The following SNTG1 variants were observed in gnomAD, a reference collection of about 807,000 sequenced individuals.
The protein encoded by SNTG1 is syntrophin gamma 1.
A neutral mutation model predicts 74.7 loss-of-function variants in SNTG1; 39 were observed. The observed-to-expected ratio is 0.52, with a 90% CI of 0.40 to 0.68. The LOEUF (loss-of-function observed/expected upper bound fraction) is 0.68, where lower values mean the gene tolerates loss of function less well. Among genes scored for constraint, SNTG1 ranks in the 30% least tolerant of loss-of-function variants. The pLI is 0.00. For missense variants in SNTG1, 685 were observed against 609.5 expected (o/e 1.12, Z -1.30); for synonymous variants, 254 against 217.1 (o/e 1.17, Z -1.49).
At chr8:50,714,724 G>A (rs980115509) in intron 17 of SNTG1, among the ~76,000 whole-genome samples, 6 of 152,080 alleles carry the variant, frequency 3.9e-5, no homozygotes, top group African/African-American at 1.2e-4. Flanking sequence ...CAGGAGGTGG[G>A]TGTGGAGAGG....
chr8:50,175,620 C>G lies in SNTG1; in HGVS notation c.-28+2985C>G, dbSNP rs150929200. On this transcript the variant is annotated intron_variant, in intron 2 of 18. Coordinates refer to ENST00000642720, the MANE Select transcript of SNTG1 (RefSeq NM_018967.5). ...TGCATGCTTTCACACTACCATTGTG[C>G]AAAGGTTTCAAAGTATCATGCACAG... is the stretch of plus-strand genomic sequence containing the variant. Among the ~76,000 whole-genome samples the G allele has an allele frequency of 4.9e-3, 752 of 152,216 alleles. 5 individuals carry two copies. The highest frequency in any genetic ancestry group is 7.0e-3 in the Non-Finnish European group (473 of 68,014).
At position 50,450,573 on chromosome 8, in the gene SNTG1, CT is replaced by C. The variant is rs1563404070; in HGVS notation, c.300del (p.Phe100LeufsTer9). ...KEQRAELSGL[L>X]FIGDAILQIN... The stretch of plus-strand genomic sequence containing the variant: ...ATTCACAGCGGAACTTTCAGGACTA[CT>C]TTTTATTGGAGATGCAATTCTACAG... On this transcript the variant is annotated frameshift_variant, in exon 7 of 19. Coordinates refer to ENST00000642720, the MANE Select transcript of SNTG1 (RefSeq NM_018967.5). LOFTEE classifies it high-confidence loss of function. 5.6e-6 allele frequency: 9 copies of C among 1,613,412 alleles called. No homozygotes were observed. Among genetic ancestry groups the C allele is most frequent in the Non-Finnish European group, 7.6e-6 (9 of 1,179,740 alleles).
At chr8:50,281,071 T>C (rs953049046) in intron 2 of SNTG1, among the ~76,000 whole-genome samples, 7 of 152,026 alleles carry the variant, frequency 4.6e-5, no homozygotes, top group African/African-American at 1.4e-4. Context: ...GAATTTTAAT[T>C]TCCCCATTAG....
Position 50,577,455 on chromosome 8 carries a change from T to G in SNTG1, c.811-13424T>G, listed in dbSNP as rs559705821. On this transcript the variant is annotated intron_variant, in intron 12 of 18. Transcript: ENST00000642720. ...AAATAATATTGGTCCATAGTTTTTT[T>G]TTTTTGTTTTTTTTTTTCTTCTGGT... is the stretch of plus-strand genomic sequence containing the variant. 3.3e-5 allele frequency among the ~76,000 whole-genome samples: 5 copies of G among 151,654 alleles called. 1 individual carries two copies. The highest frequency in any genetic ancestry group is 4.2e-4 in the South Asian group (2 of 4,812).
chr8:50,497,964 A>C (rs1238327751), intron 8 of SNTG1, among the ~76,000 whole-genome samples: 2 of 151,860 alleles, frequency 1.3e-5, no homozygotes, highest in Non-Finnish European at 2.9e-5. Context: ...TGTTATGTGG[A>C]GTCACATTCC....
chr8:50,026,211 C>G (rs1276590769), intron 1 of SNTG1, among the ~76,000 whole-genome samples: 1 of 152,082 alleles, frequency 6.6e-6, no homozygotes, highest in Non-Finnish European at 1.5e-5. Context: ...CCATGTATAC[C>G]TTGCCAATAA....
chr8:50,597,472 T>C (rs2094738964), intron 13 of SNTG1, among the ~76,000 whole-genome samples: 2 of 151,240 alleles, frequency 1.3e-5, no homozygotes, highest in African/African-American at 4.8e-5. Context: ...TATGAACATT[T>C]AAGTTGATAC....
intron 12 of SNTG1, among the ~76,000 whole-genome samples, chr8:50,559,980 C>G (rs2094477724): frequency 6.6e-6 from 1 of 152,120 alleles, no homozygotes; most frequent in South Asian, 2.1e-4. Context: ...ATCCATCTGA[C>G]AAAGGCCTAA....
At chr8:50,295,138 A>G (rs1466453338) in intron 2 of SNTG1, among the ~76,000 whole-genome samples, 1 of 152,234 alleles carries the variant, frequency 6.6e-6, no homozygotes, top group Non-Finnish European at 1.5e-5. Context: ...AATTTAGGGA[A>G]GAAACAAAGA....
At chr8:50,704,487 G>T (rs929752775) in intron 15 of SNTG1, 113 bp from the exon 16 acceptor site, 9 of 1,285,908 alleles carry the variant, frequency 7.0e-6, no homozygotes, top group Non-Finnish European at 1.0e-5. Context: ...TGGTGAATTC[G>T]CAGAGTGTTG....
At chr8:50,476,128 GT>G (rs778610442) in intron 8 of SNTG1, among the ~76,000 whole-genome samples, 23 of 152,180 alleles carry the variant, frequency 1.5e-4, no homozygotes, top group South Asian at 8.3e-4. Context: ...TCTCAGTGCT[GT>G]TTTCAAGTCG....
intron 1 of SNTG1, among the ~76,000 whole-genome samples, chr8:50,144,192 C>T (rs752469323): frequency 5.1e-4 from 78 of 152,260 alleles, no homozygotes; most frequent in Non-Finnish European, 9.3e-4. Context: ...ATATGCTATA[C>T]GAAACCATCT....
chr8:50,617,714 G>A (rs908676665), intron 13 of SNTG1, among the ~76,000 whole-genome samples: 1 of 152,174 alleles, frequency 6.6e-6, no homozygotes, highest in Non-Finnish European at 1.5e-5. Flanking sequence ...GGTCGTGATC[G>A]ATTGAGCAAG....
intron 2 of SNTG1, among the ~76,000 whole-genome samples, chr8:50,372,505 T>G (rs2092292474): frequency 6.6e-6 from 1 of 152,144 alleles, no homozygotes; most frequent in South Asian, 2.1e-4. Flanking sequence ...CTTTGCATCT[T>G]TCTTTATTTA....
chr8:50,083,245 T>C (rs1214047875), intron 1 of SNTG1, among the ~76,000 whole-genome samples: 1 of 152,222 alleles, frequency 6.6e-6, no homozygotes, highest in African/African-American at 2.4e-5. Flanking sequence ...CTAAAACTGC[T>C]GATTTGACCG....
At chr8:50,580,088 C>A (rs1163227776) in intron 12 of SNTG1, among the ~76,000 whole-genome samples, 42 of 152,236 alleles carry the variant, frequency 2.8e-4, no homozygotes. Flanking sequence ...CCATGGGAGC[C>A]CACCTCTTGC....
intron 1 of SNTG1, among the ~76,000 whole-genome samples, chr8:49,915,671 A>G (rs371197613): frequency 6.6e-6 from 1 of 152,162 alleles, no homozygotes; most frequent in Non-Finnish European, 1.5e-5. Flanking sequence ...AAGGAGGATT[A>G]ATGTTTGTCA....
chr8:50,043,650 G>T (rs1471589493), intron 1 of SNTG1, among the ~76,000 whole-genome samples: 1 of 152,190 alleles, frequency 6.6e-6, no homozygotes, highest in African/African-American at 2.4e-5. Context: ...TCGCACCCAG[G>T]CCATCCAGAA....
intron 2 of SNTG1, among the ~76,000 whole-genome samples, chr8:50,176,862 T>C (rs945663838): frequency 2.0e-5 from 3 of 152,186 alleles, no homozygotes; most frequent in Non-Finnish European, 2.9e-5. Flanking sequence ...CTAGTAGGTA[T>C]GAAGGGACTT....
Sources: allele counts gnomAD v4.1 joint callset (sites outside exome capture counted in the v4.1 genomes callset), GRCh38; gene constraint gnomAD v4.1.1; transcripts MANE v1.5; gene names NCBI Gene and HGNC (gene_info 2026-07-23, HGNC 2026-07-21).